MLYCD: variants seen among roughly 807,000 people sequenced by gnomAD.
The protein encoded by MLYCD is malonyl-CoA decarboxylase, also known as malonyl-CoA decarboxylase, mitochondrial.
In MLYCD, 27 loss-of-function variants were observed where a neutral mutation model predicts 35.8. That is an observed-to-expected ratio of 0.75 (90% CI 0.56 to 1.04). The LOEUF (loss-of-function observed/expected upper bound fraction) is 1.04. Among genes scored for constraint, MLYCD ranks in the 50% least tolerant of loss-of-function variants. The probability of loss-of-function intolerance (pLI) is 0.00; values close to 1 mark genes in which losing one functional copy is unlikely to be tolerated. For synonymous variants in MLYCD, 403 were observed against 302.4 expected (o/e 1.33, Z -3.45); for missense variants, 917 against 665.1 (o/e 1.38, Z -4.17).
At chr16:83,904,422 G>C (rs974541501) in intron 1 of MLYCD, among the ~76,000 whole-genome samples, 1 of 152,152 alleles carries the variant, frequency 6.6e-6, no homozygotes, top group Non-Finnish European at 1.5e-5. Context: ...ATCCCAGGAA[G>C]ATTAAGAATT....
chr16:83,904,958 G>C (rs1974881), intron 1 of MLYCD, among the ~76,000 whole-genome samples: 3 of 152,010 alleles, frequency 2.0e-5, no homozygotes, highest in African/African-American at 7.3e-5. Context: ...GGCCTCTTTC[G>C]TGCCCTAGTG....
intron 3 of MLYCD, among the ~76,000 whole-genome samples, chr16:83,911,408 G>A (rs1907175663): frequency 6.6e-6 from 1 of 152,216 alleles, no homozygotes; most frequent in Non-Finnish European, 1.5e-5. Context: ...GTTTAAATGG[G>A]TTCTTCAAAA....
rs371251021 is a variant in MLYCD at position 83,919,225 on chromosome 16, A to AAC, written c.*3749_*3750dup. 3.9e-3 allele frequency: 585 copies of AAC among 148,792 alleles called. 1 individual carries two copies. The highest frequency in any genetic ancestry group is 0.026 in the Middle Eastern group (7 of 272). The allele number at this position is 148,792 out of a possible 1,614,324, so 9.2% of individuals were successfully genotyped here. A position where few individuals can be genotyped will look rare whatever the true frequency, so the allele number is the denominator to read the frequency against. On this transcript the variant is annotated 3_prime_UTR_variant, in exon 5 of 5. Coordinates refer to ENST00000262430, the MANE Select transcript of MLYCD (RefSeq NM_012213.3). ...CACAGGAGAACACAGTGCACAGGAG[A>AAC]ACACACACACACACTGCACAGGAGA... is the stretch of plus-strand genomic sequence containing the variant.
In MLYCD at chr16:83,923,235, C is replaced by T. The variant is rs1907708242; in HGVS notation, c.*7746C>T. On this transcript the variant is annotated 3_prime_UTR_variant, in exon 5 of 5. Coordinates refer to ENST00000262430, the MANE Select transcript of MLYCD (RefSeq NM_012213.3). The stretch of plus-strand genomic sequence containing the variant: ...AGGGAATCTCAGTGCTCTGTGCAGG[C>T]ATGTGCTTATTCTGAGCTCTGTTTG... The T allele has an allele frequency of 6.6e-6, 1 of 152,240 alleles. No individual in the cohort carries two copies. The highest frequency in any genetic ancestry group is 2.4e-5 in the African/African-American group (1 of 41,454). 9.4% of individuals were successfully genotyped at this position (152,240 alleles called of 1,614,324 possible). A position where few individuals can be genotyped will look rare whatever the true frequency, so the allele number is the denominator to read the frequency against.
At chr16:83,911,014 G>A (rs967949558) in intron 3 of MLYCD, among the ~76,000 whole-genome samples, 32 of 151,944 alleles carry the variant, frequency 2.1e-4, no homozygotes, top group African/African-American at 7.5e-4. Context: ...GTCTCGCTCT[G>A]TGCCCAGGCT....
intron 3 of MLYCD, chr16:83,911,950 C>G: frequency 2.1e-6 from 1 of 481,574 alleles, no homozygotes; most frequent in South Asian, 2.1e-5. Context: ...AAGGGGCATA[C>G]ATTGCTCTTC....
chr16:83,918,051 A>AG lies in MLYCD; in HGVS notation c.*2564dup, dbSNP rs1907491171. 2 of 152,230 alleles carry AG rather than the reference A, an allele frequency of 1.3e-5. No homozygotes were observed. The highest frequency in any genetic ancestry group is 2.9e-5 in the Non-Finnish European group (2 of 68,038). The allele number at this position is 152,230 out of a possible 1,614,324, so 9.4% of individuals were successfully genotyped here. A position where few individuals can be genotyped will look rare whatever the true frequency, so the allele number is the denominator to read the frequency against. On this transcript the variant is annotated 3_prime_UTR_variant, in exon 5 of 5. Coordinates refer to ENST00000262430, the MANE Select transcript of MLYCD (RefSeq NM_012213.3). ...AAGTCACTAGGAACTAGCACGCCTG[A>AG]GGTAGGTCTCGGAATAGTGTTCAAA...
At position 83,918,080 on chromosome 16, in the gene MLYCD, A is replaced by G. The variant is rs925488031; in HGVS notation, c.*2591A>G. On this transcript the variant is annotated 3_prime_UTR_variant, in exon 5 of 5. Coordinates refer to ENST00000262430, the MANE Select transcript of MLYCD (RefSeq NM_012213.3). ...AGGTCTCGGAATAGTGTTCAAATCCATTTTACTATTGCGGCCAAGGAGCCC... is the reference window on the plus strand; with the variant it reads ...AGGTCTCGGAATAGTGTTCAAATCCGTTTTACTATTGCGGCCAAGGAGCCC... 4 of 152,140 alleles carry G rather than the reference A, an allele frequency of 2.6e-5. No individual in the cohort carries two copies. Among genetic ancestry groups the G allele is most frequent in the African/African-American group, 7.2e-5 (3 of 41,420 alleles). The allele number at this position is 152,140 out of a possible 1,614,324, so 9.4% of individuals were successfully genotyped here.
Position 83,899,415 on chromosome 16 carries a change from C to T in MLYCD, c.271C>T (p.Leu91=). 3.3e-6 allele frequency: 5 copies of T among 1,515,950 alleles called. No individual in the cohort carries two copies. The highest frequency in any genetic ancestry group is 4.4e-6 in the Non-Finnish European group (5 of 1,140,966). 93.9% of individuals were successfully genotyped at this position (1,515,950 alleles called of 1,614,324 possible). The change falls in exon 1 of 5, where the codon CTG becomes TTG. Residue 91 remains leucine (L), a synonymous_variant. Transcript: ENST00000262430. Reference sequence around the variant, plus strand: ...CCAGCGGGCCGAACTGCTGGGCCGCCTGGCGCGGGGCTTCGGCGTGGACCA... The same window carrying T: ...CCAGCGGGCCGAACTGCTGGGCCGCTTGGCGCGGGGCTTCGGCGTGGACCA... The part of the protein sequence containing the change: ...TAQRAELLGR[L]ARGFGVDHGQ...
At chr16:83,912,110 C>G (rs1907199843) in intron 3 of MLYCD, 108 bp from the exon 4 acceptor site, 1 of 1,509,538 alleles carries the variant, frequency 6.6e-7, no homozygotes, top group Admixed American at 1.7e-5. Context: ...AGGTCTCTTC[C>G]AGCTCCTTCA....
intron 3 of MLYCD, among the ~76,000 whole-genome samples, chr16:83,910,597 C>G (rs62047934): frequency 0.56 from 83,869 of 150,382 alleles, 24,428 homozygotes; most frequent in Middle Eastern, 0.65. Flanking sequence ...GGCTGAGGCA[C>G]AAATGAGAAT....
chr16:83,905,122 C>T (rs1255087886), intron 1 of MLYCD, among the ~76,000 whole-genome samples: 1 of 152,044 alleles, frequency 6.6e-6, no homozygotes, highest in East Asian at 1.9e-4. Flanking sequence ...AATTTGGAAG[C>T]TGAGACAGGA....
chr16:83,907,769 C>T (rs1276486950), intron 2 of MLYCD, among the ~76,000 whole-genome samples: 3 of 152,184 alleles, frequency 2.0e-5, no homozygotes, highest in Non-Finnish European at 4.4e-5. Context: ...CCCCTGATTG[C>T]AGCACTGACG....
At position 83,899,273 on chromosome 16, in the gene MLYCD, G is replaced by A. The variant is rs762166598; in HGVS notation, c.129G>A (p.Leu43=). 1.4e-4 allele frequency: 207 copies of A among 1,464,114 alleles called. No individual in the cohort carries two copies. Among genetic ancestry groups the A allele is most frequent in the Non-Finnish European group, 1.7e-4 (192 of 1,113,102 alleles). 90.7% of individuals were successfully genotyped at this position (1,464,114 alleles called of 1,614,324 possible). A position where few individuals can be genotyped will look rare whatever the true frequency, so the allele number is the denominator to read the frequency against. ...AGALERAMDE[L]LRRAVPPTPA... The stretch of plus-strand genomic sequence containing the variant: ...CCCTGGAGCGGGCCATGGACGAGCT[G>A]CTGCGCCGCGCGGTGCCGCCGACGC... Residue 43 remains leucine (L), a synonymous_variant, in exon 1 of 5, where the codon CTG becomes CTA. Coordinates refer to ENST00000262430, the MANE Select transcript of MLYCD (RefSeq NM_012213.3).
rs1345639184 is a variant in MLYCD at position 83,924,117 on chromosome 16, C to G, written c.*8628C>G. ...AGGCCAGCGAGGGGCAGCCAGACCA[C>G]GGGAAGACAGGAGGAACCCGGACCT... On this transcript the variant is annotated 3_prime_UTR_variant, in exon 5 of 5. Transcript: ENST00000262430. 6.6e-6 allele frequency: 1 copy of G among 152,298 alleles called. No individual in the cohort carries two copies. Among genetic ancestry groups the G allele is most frequent in the Admixed American group, 6.5e-5 (1 of 15,278 alleles). The allele number at this position is 152,298 out of a possible 1,614,324, so 9.4% of individuals were successfully genotyped here.
intron 1 of MLYCD, among the ~76,000 whole-genome samples, chr16:83,902,444 A>C (rs1003369356): frequency 1.3e-5 from 2 of 150,216 alleles, no homozygotes. Context: ...GGGATCTGAT[A>C]TTGTAACCTC....
Position 83,915,522 on chromosome 16 carries a change from C to A in MLYCD, c.*33C>A. The A allele has an allele frequency of 6.2e-7, 1 of 1,602,868 alleles. No individual in the cohort carries two copies. The highest frequency in any genetic ancestry group is 2.2e-5 in the East Asian group (1 of 44,876). On this transcript the variant is annotated 3_prime_UTR_variant, in exon 5 of 5. Transcript: ENST00000262430. ...CCTCTCCTAAAGCACAGGGCCCCGG[C>A]TAAGAAAACGATCATTTTCAGGAGG...
rs1441999367 is a variant in MLYCD, at chr16:83,917,577, C to G, written c.*2088C>G. The G allele has an allele frequency of 6.6e-6, 1 of 152,482 alleles. No individual in the cohort carries two copies. The highest frequency in any genetic ancestry group is 1.9e-4 in the East Asian group (1 of 5,188). 9.4% of individuals were successfully genotyped at this position (152,482 alleles called of 1,614,324 possible). On this transcript the variant is annotated 3_prime_UTR_variant, in exon 5 of 5. Transcript: ENST00000262430. ...GTGACAGACGGTGTGATCGCGGGAGCTGTCTCATGCCTCTTGTTCTCCGGG... is the reference window on the plus strand; with the variant it reads ...GTGACAGACGGTGTGATCGCGGGAGGTGTCTCATGCCTCTTGTTCTCCGGG...
At chr16:83,904,390 T>C (rs775352285) in intron 1 of MLYCD, among the ~76,000 whole-genome samples, 15 of 152,158 alleles carry the variant, frequency 9.9e-5, no homozygotes, top group Non-Finnish European at 1.9e-4. Flanking sequence ...CTATGGTTTT[T>C]AGCACGTAAG....
Sources: allele counts gnomAD v4.1 joint callset (sites outside exome capture counted in the v4.1 genomes callset), GRCh38; gene constraint gnomAD v4.1.1; transcripts MANE v1.5; gene names NCBI Gene and HGNC (gene_info 2026-07-23, HGNC 2026-07-21).